The following CACNA1A variants were observed in gnomAD, a reference collection of about 807,000 sequenced individuals.
The protein encoded by CACNA1A is voltage-dependent P/Q-type calcium channel subunit alpha-1A.
Under a neutral mutation model 262.4 loss-of-function variants are expected in CACNA1A, and 57 were observed. The observed-to-expected ratio is 0.22, with a 90% CI of 0.18 to 0.27. CACNA1A has a LOEUF of 0.27. CACNA1A is among the 10% of genes least tolerant of loss of function. CACNA1A has a pLI of 1.00. For missense variants in CACNA1A, 2,526 were observed against 3,562.8 expected (o/e 0.71, Z 7.41); for synonymous variants, 1,431 against 1,419.3 (o/e 1.01, Z -0.18).
chr19:13,424,773 C>T (rs2060373537), intron 3 of CACNA1A, among the ~76,000 whole-genome samples: 1 of 151,598 alleles, frequency 6.6e-6, no homozygotes, highest in Non-Finnish European at 1.5e-5. Flanking sequence ...TAGTTCTTGG[C>T]CATCTACTCT....
intron 1 of CACNA1A, among the ~76,000 whole-genome samples, chr19:13,469,329 C>T (rs2061306886): frequency 6.6e-6 from 1 of 152,206 alleles, no homozygotes; most frequent in African/African-American, 2.4e-5. Flanking sequence ...CTTCCTTGAT[C>T]ACTGGAGGAT....
chr19:13,397,990 G>A (rs940898407), intron 3 of CACNA1A, among the ~76,000 whole-genome samples: 2 of 151,766 alleles, frequency 1.3e-5, no homozygotes, highest in East Asian at 1.9e-4. Context: ...GGCCAGGCAC[G>A]GTGGCTCACG....
At chr19:13,254,307 A>G (rs2056483402) in intron 29 of CACNA1A, among the ~76,000 whole-genome samples, 2 of 151,746 alleles carry the variant, frequency 1.3e-5, no homozygotes, top group African/African-American at 4.8e-5. Flanking sequence ...GCCGCTCCTT[A>G]GCCCTGGGGA....
intron 3 of CACNA1A, among the ~76,000 whole-genome samples, chr19:13,422,746 CTG>C (rs2060338504): frequency 6.6e-6 from 1 of 152,206 alleles, no homozygotes; most frequent in Non-Finnish European, 1.5e-5. Context: ...GTCAATGTAA[CTG>C]AGCCCCAATA....
At chr19:13,447,774 G>A (rs2060842519) in intron 3 of CACNA1A, among the ~76,000 whole-genome samples, 2 of 152,208 alleles carry the variant, frequency 1.3e-5, no homozygotes, top group Non-Finnish European at 2.9e-5. Context: ...AGGGCAGGAA[G>A]CATTCAGCAC....
chr19:13,441,609 A>G (rs985647554), intron 3 of CACNA1A, among the ~76,000 whole-genome samples: 3 of 149,170 alleles, frequency 2.0e-5, no homozygotes, highest in Non-Finnish European at 4.4e-5. Context: ...GGCTGCAGTG[A>G]GCCAAGATCG....
chr19:13,266,912 G>T (rs956683685), intron 24 of CACNA1A, among the ~76,000 whole-genome samples: 2 of 152,192 alleles, frequency 1.3e-5, no homozygotes, highest in Non-Finnish European at 2.9e-5. Context: ...CACCCAGCTT[G>T]CCTATTGAAA....
rs2056070536 is a variant in CACNA1A, at chr19:13,241,160, G to C, written c.4950+4022C>G. Reference sequence around the variant, plus strand: ...TGAATGGGGGACAGGAGTGGTGAGAGGTGGCTGGGAGTGGATTTGCCTCTA... The same window carrying C: ...TGAATGGGGGACAGGAGTGGTGAGACGTGGCTGGGAGTGGATTTGCCTCTA... On this transcript the variant is annotated intron_variant, in intron 31 of 46. Transcript: ENST00000360228. This position sits in a 1 kb window ranked among gnomAD's most constrained non-coding sequence, Gnocchi z 4.0. Among the ~76,000 whole-genome samples the C allele has an allele frequency of 6.6e-6, 1 of 152,196 alleles. No individual in the cohort carries two copies. Among genetic ancestry groups the C allele is most frequent in the Non-Finnish European group, 1.5e-5 (1 of 68,036 alleles).
At chr19:13,456,737 A>G (rs1204700850) in intron 1 of CACNA1A, among the ~76,000 whole-genome samples, 2 of 152,210 alleles carry the variant, frequency 1.3e-5, no homozygotes, top group Non-Finnish European at 2.9e-5. Context: ...TCCAATTGAA[A>G]AATGGACAGG....
At chr19:13,464,831 A>G (rs552577943) in intron 1 of CACNA1A, among the ~76,000 whole-genome samples, 44 of 151,766 alleles carry the variant, frequency 2.9e-4, no homozygotes, top group African/African-American at 1.0e-3. Context: ...TACAGGCGTG[A>G]GCCACTGCGC....
intron 6 of CACNA1A, among the ~76,000 whole-genome samples, chr19:13,358,414 G>A (rs2059044549): frequency 6.6e-6 from 1 of 152,156 alleles, no homozygotes; most frequent in Admixed American, 6.5e-5. Flanking sequence ...AAAATTAGCT[G>A]GGCATACTAG....
chr19:13,211,075 G>A, intron 43 of CACNA1A: 1 of 216,078 alleles, frequency 4.6e-6, no homozygotes, highest in East Asian at 1.2e-4. Context: ...ACCCTCTCCT[G>A]GGGCCCAGCA....
chr19:13,463,411 G>A (rs2061162550), intron 1 of CACNA1A, among the ~76,000 whole-genome samples: 3 of 152,136 alleles, frequency 2.0e-5, no homozygotes, highest in Admixed American at 6.5e-5. Flanking sequence ...ATGAAGCCTG[G>A]AAAAGATCTC....
At chr19:13,277,791 CAT>C (rs1478905529) in intron 22 of CACNA1A, 4 of 152,978 alleles carry the variant, frequency 2.6e-5, no homozygotes, top group South Asian at 2.1e-4. Flanking sequence ...TGGTGCTAGA[CAT>C]GGGGTGGACA....
chr19:13,464,694 GCC>G, intron 1 of CACNA1A, among the ~76,000 whole-genome samples: 1 of 151,444 alleles, frequency 6.6e-6, no homozygotes, highest in East Asian at 2.0e-4. Flanking sequence ...GATTACAGGC[GCC>G]TGCCACCGCG....
chr19:13,479,692 T>C (rs964580248), intron 1 of CACNA1A, among the ~76,000 whole-genome samples: 1 of 152,168 alleles, frequency 6.6e-6, no homozygotes, highest in African/African-American at 2.4e-5. Flanking sequence ...ACTCTTCATG[T>C]CTTATCAGAC....
intron 1 of CACNA1A, among the ~76,000 whole-genome samples, chr19:13,466,687 C>CAATAAT: frequency 6.7e-6 from 1 of 149,548 alleles, no homozygotes; most frequent in East Asian, 2.1e-4. Flanking sequence ...CTACTTTCTT[C>CAATAAT]AATAATAATA....
At position 13,206,944 on chromosome 19, in the gene CACNA1A, G is replaced by GC. The variant is rs2054587721; in HGVS notation, c.*368_*369insG. The GC allele has an allele frequency of 1.5e-5, 1 of 65,110 alleles. No individual in the cohort carries two copies. The highest frequency in any genetic ancestry group is 6.3e-5 in the African/African-American group (1 of 15,854). The allele number at this position is 65,110 out of a possible 1,614,324, so 4.0% of individuals were successfully genotyped here. A position where few individuals can be genotyped will look rare whatever the true frequency, so the allele number is the denominator to read the frequency against. ...TCTCCCCGTTTTTTCTTTTAAAAAT[G>GC]TTTTTTTTTTTTTTTTTTTTTTTTT... On this transcript the variant is annotated 3_prime_UTR_variant, in exon 47 of 47. Transcript: ENST00000360228.
chr19:13,227,559 C>T (rs537978221), intron 36 of CACNA1A, 32 bp from the exon 37 acceptor site: 1 of 1,353,040 alleles, frequency 7.4e-7, no homozygotes, highest in Non-Finnish European at 1.0e-6. Flanking sequence ...AAAACAAAAA[C>T]AAAAACAAAA....
Sources: gnomAD v4.1 joint callset for allele counts (sites outside exome capture counted in the v4.1 genomes callset) on GRCh38, gnomAD v4.1.1 for gene constraint, Gnocchi (gnomAD v3.1) non-coding constraint, MANE v1.5 for transcripts, NCBI Gene and HGNC (gene_info 2026-07-23, HGNC 2026-07-21) for gene names.